TAPT1: variants seen among roughly 807,000 people sequenced by gnomAD.
TAPT1 encodes the protein transmembrane anterior posterior transformation 1, also known as transmembrane anterior posterior transformation protein 1 homolog.
In TAPT1, 28 loss-of-function variants were observed where a neutral mutation model predicts 65.6. The ratio of observed to expected loss-of-function variants is 0.43; its 90% CI spans 0.32 to 0.59. The LOEUF (loss-of-function observed/expected upper bound fraction) is 0.59, where lower values mean the gene tolerates loss of function less well. Ranked by LOEUF, TAPT1 falls within the 20% of genes least tolerant of loss-of-function variation. The probability of loss-of-function intolerance (pLI) is 0.09; values close to 1 mark genes in which losing one functional copy is unlikely to be tolerated. For missense variants in TAPT1, 563 were observed against 679.9 expected, an observed-to-expected ratio of 0.83 and a Z score of 1.91; for synonymous variants, 278 against 245.2, an observed-to-expected ratio of 1.13 and a Z score of -1.25.
At chr4:16,198,808 C>G (rs1361905544) in intron 3 of TAPT1, among the ~76,000 whole-genome samples, 3 of 152,174 alleles carry the variant, frequency 2.0e-5, no homozygotes, top group African/African-American at 7.2e-5. Context: ...TTTGGTAAAC[C>G]TAAAAAGTAT....
At chr4:16,201,430 TG>T (rs1423462389) in intron 3 of TAPT1, among the ~76,000 whole-genome samples, 1 of 152,210 alleles carries the variant, frequency 6.6e-6, no homozygotes, top group Non-Finnish European at 1.5e-5. Flanking sequence ...CACAAATTAT[TG>T]TCCATTTTAG....
chr4:16,223,865 G>A (rs1180791398), intron 1 of TAPT1, among the ~76,000 whole-genome samples: 1 of 152,092 alleles, frequency 6.6e-6, no homozygotes, highest in African/African-American at 2.4e-5. Context: ...TTCATTTAGG[G>A]AATTCTAGGC....
At chr4:16,218,313 G>C (rs1010697055) in intron 1 of TAPT1, among the ~76,000 whole-genome samples, 1 of 152,318 alleles carries the variant, frequency 6.6e-6, no homozygotes, top group Non-Finnish European at 1.5e-5. Flanking sequence ...GCTGAGGCAG[G>C]AGAATCACTT....
Position 16,226,251 on chromosome 4 carries a change from C to T in TAPT1, c.199+8G>A. 1 of 1,119,086 alleles carries T rather than the reference C, an allele frequency of 8.9e-7. No homozygotes were observed. Among genetic ancestry groups the T allele is most frequent in the East Asian group, 4.8e-5 (1 of 21,008 alleles). The allele number at this position is 1,119,086 out of a possible 1,614,324, so 69.3% of individuals were successfully genotyped here. A position where few individuals can be genotyped will look rare whatever the true frequency, so the allele number is the denominator to read the frequency against. On this transcript the variant is annotated splice_region_variant and intron_variant, in intron 1 of 13. Transcript: ENST00000405303. ...GAGCCCGCCACGGCCTAGCGCCGCCCGCCTCACCTGTGCGGCCCCGGCGCC... is the reference window on the plus strand; with the variant it reads ...GAGCCCGCCACGGCCTAGCGCCGCCTGCCTCACCTGTGCGGCCCCGGCGCC...
At chr4:16,210,810 C>T (rs910954116) in intron 2 of TAPT1, among the ~76,000 whole-genome samples, 2 of 151,964 alleles carry the variant, frequency 1.3e-5, no homozygotes, top group Non-Finnish European at 2.9e-5. Context: ...TACATAGAAC[C>T]CAAGGGGTTG....
intron 8 of TAPT1, among the ~76,000 whole-genome samples, chr4:16,177,063 A>G (rs150240519): frequency 6.6e-6 from 1 of 152,330 alleles, no homozygotes; most frequent in East Asian, 1.9e-4. Context: ...AATAAGACCT[A>G]GTGATAGATA....
intron 9 of TAPT1, chr4:16,174,934 T>C (rs889750228): frequency 1.7e-5 from 7 of 414,844 alleles, no homozygotes; most frequent in Non-Finnish European, 3.0e-5. Context: ...TTAACATTCA[T>C]AGATCTTCTA....
rs368839711 is a variant in TAPT1 at position 16,186,856 on chromosome 4, C to T, written c.771G>A (p.Met257Ile). The change falls in exon 6 of 14, where the codon ATG becomes ATA. Residue 257 changes from methionine to isoleucine, a missense_variant. By Grantham distance (10) the Met-to-Ile change is conservative (BLOSUM62 1). This residue lies in a region of TAPT1 where 217 missense variants were observed against 317.5 expected (regional missense o/e 0.68). Transcript: ENST00000405303. Reference protein sequence around the residue: ...LYVFLHAILIMVQATTLNVAF... With the variant: ...LYVFLHAILIIVQATTLNVAF... The stretch of plus-strand genomic sequence containing the variant: ...CTACATTGAGAGTTGTTGCTTGAAC[C>T]ATTATAAGAATTGCATGCAAAACTA... The T allele has an allele frequency of 1.2e-6, 2 of 1,610,542 alleles. No individual in the cohort carries two copies. The highest frequency in any genetic ancestry group is 1.7e-6 in the Non-Finnish European group (2 of 1,177,892).
intron 3 of TAPT1, among the ~76,000 whole-genome samples, chr4:16,201,308 T>C (rs568806944): frequency 8.5e-5 from 13 of 152,210 alleles, no homozygotes; most frequent in Non-Finnish European, 1.3e-4. Context: ...AAACAAACCA[T>C]ATAAATGTGT....
chr4:16,177,387 T>C (rs556776362), intron 8 of TAPT1, among the ~76,000 whole-genome samples: 74 of 152,060 alleles, frequency 4.9e-4, no homozygotes, highest in African/African-American at 1.5e-3. Context: ...AAGAAAAAGA[T>C]AGGGAGAAAT....
chr4:16,188,157 C>T (rs1047948355), intron 5 of TAPT1, 63 bp downstream of exon 5: 51 of 1,409,620 alleles, frequency 3.6e-5, no homozygotes, highest in Non-Finnish European at 4.9e-5. Flanking sequence ...AATGGCTAAC[C>T]AAATAAAATA....
At chr4:16,170,398 T>C (rs1319661968) in intron 12 of TAPT1, among the ~76,000 whole-genome samples, 1 of 152,266 alleles carries the variant, frequency 6.6e-6, no homozygotes, top group Non-Finnish European at 1.5e-5. Flanking sequence ...GAGTGAAACC[T>C]AAATCTTAAG....
At chr4:16,169,021 C>T (rs1049905269) in intron 12 of TAPT1, among the ~76,000 whole-genome samples, 1 of 152,180 alleles carries the variant, frequency 6.6e-6, no homozygotes, top group East Asian at 1.9e-4. Context: ...AGACACATTC[C>T]TGGGTTTGGT....
intron 1 of TAPT1, among the ~76,000 whole-genome samples, chr4:16,217,539 T>A (rs77499790): frequency 0.042 from 6,413 of 152,284 alleles, 219 homozygotes; most frequent in African/African-American, 0.086. Flanking sequence ...ATGTGGGTGA[T>A]TTGTCCCTTC....
At chr4:16,204,493 A>C (rs1750225064) in intron 2 of TAPT1, among the ~76,000 whole-genome samples, 1 of 152,266 alleles carries the variant, frequency 6.6e-6, no homozygotes, top group Admixed American at 6.5e-5. Flanking sequence ...GTTTCAAAAT[A>C]ATCTTTTGCT....
intron 3 of TAPT1, among the ~76,000 whole-genome samples, chr4:16,193,606 T>C (rs1749515176): frequency 6.6e-6 from 1 of 152,178 alleles, no homozygotes; most frequent in Admixed American, 6.5e-5. Context: ...GAAGACCTAT[T>C]ATATCTGCCA....
At chr4:16,173,162 A>C (rs1015498551) in intron 11 of TAPT1, among the ~76,000 whole-genome samples, 1 of 152,162 alleles carries the variant, frequency 6.6e-6, no homozygotes, top group Non-Finnish European at 1.5e-5. Flanking sequence ...GTAGTCAAGA[A>C]AGAACATAAT....
chr4:16,201,196 G>A (rs1750007194), intron 3 of TAPT1, among the ~76,000 whole-genome samples: 1 of 151,888 alleles, frequency 6.6e-6, no homozygotes, highest in South Asian at 2.1e-4. Context: ...TATCAAAACT[G>A]ATTGTCTTAT....
intron 12 of TAPT1, among the ~76,000 whole-genome samples, chr4:16,167,233 C>T (rs547519152): frequency 6.6e-6 from 1 of 151,878 alleles, no homozygotes; most frequent in Non-Finnish European, 1.5e-5. Context: ...CCTTGTGATC[C>T]ACCTGCCTCG....
Sources: allele counts gnomAD v4.1 joint callset (sites outside exome capture counted in the v4.1 genomes callset), GRCh38; gene constraint gnomAD v4.1.1; regional missense constraint gnomAD v4.1.1; transcripts MANE v1.5; gene names NCBI Gene and HGNC (gene_info 2026-07-23, HGNC 2026-07-21).